DLGAP2: variants seen among roughly 807,000 people sequenced by gnomAD.
DLGAP2 encodes disks large-associated protein 2.
DLGAP2 carries 26 observed loss-of-function variants against 100.3 expected under a neutral mutation model. The observed-to-expected ratio is 0.26, with a 90% CI of 0.19 to 0.36. The LOEUF (loss-of-function observed/expected upper bound fraction) is 0.36, where lower values mean the gene tolerates loss of function less well. Among genes scored for constraint, DLGAP2 ranks in the 10% least tolerant of loss-of-function variants. The pLI, the probability that DLGAP2 is intolerant of heterozygous loss-of-function variation, is 1.00. For missense variants in DLGAP2, 1,858 were observed against 1,453.2 expected (o/e 1.28, Z -4.53); for synonymous variants, 886 against 630.1 (o/e 1.41, Z -6.08).
intron 3 of DLGAP2, among the ~76,000 whole-genome samples, chr8:1,362,450 G>A (rs1467046222): frequency 6.6e-6 from 1 of 152,064 alleles, no homozygotes; most frequent in Non-Finnish European, 1.5e-5. Context: ...GTAAGGGCTG[G>A]CGTGGTCCAT....
At chr8:1,196,551 T>C (rs1352004456) in intron 2 of DLGAP2, among the ~76,000 whole-genome samples, 1 of 152,320 alleles carries the variant, frequency 6.6e-6, no homozygotes, top group Admixed American at 6.5e-5. Flanking sequence ...TCTCAGCTGA[T>C]AAGCAAAAGA....
chr8:1,170,208 C>T (rs200172483), intron 2 of DLGAP2, among the ~76,000 whole-genome samples: 2 of 151,996 alleles, frequency 1.3e-5, no homozygotes, highest in Admixed American at 6.6e-5. Context: ...TATATTGAAC[C>T]AGCCTTGCAT....
intron 3 of DLGAP2, among the ~76,000 whole-genome samples, chr8:1,337,761 G>A (rs1046273573): frequency 3.9e-5 from 6 of 152,118 alleles, no homozygotes; most frequent in Non-Finnish European, 8.8e-5. Flanking sequence ...AAATACAACC[G>A]ATAAAATGGT....
intron 2 of DLGAP2, among the ~76,000 whole-genome samples, chr8:1,184,889 C>G (rs1025921604): frequency 6.6e-6 from 1 of 152,182 alleles, no homozygotes; most frequent in African/African-American, 2.4e-5. Context: ...AGGGAGCTCA[C>G]TGTGTTGCAA....
intron 3 of DLGAP2, among the ~76,000 whole-genome samples, chr8:1,424,005 C>G (rs879855602): frequency 7.2e-5 from 11 of 152,154 alleles, no homozygotes; most frequent in Admixed American, 4.6e-4. Context: ...AAATAGCAGC[C>G]GGATTATTCA....
At chr8:1,617,563 G>GC in intron 6 of DLGAP2, among the ~76,000 whole-genome samples, 1 of 152,138 alleles carries the variant, frequency 6.6e-6, no homozygotes, top group African/African-American at 2.4e-5. Context: ...TGCCCACATT[G>GC]TTTTTTGCTT....
chr8:1,587,489 G>A (rs1353905489), intron 6 of DLGAP2, among the ~76,000 whole-genome samples: 2 of 152,018 alleles, frequency 1.3e-5, no homozygotes, highest in African/African-American at 4.8e-5. Context: ...TTCTTTATCT[G>A]AAAGTATATT....
At chr8:1,682,907 C>T (rs968203481) in intron 12 of DLGAP2, among the ~76,000 whole-genome samples, 20 of 151,426 alleles carry the variant, frequency 1.3e-4, no homozygotes, top group Admixed American at 7.2e-4. Flanking sequence ...TGTTTGGTTT[C>T]GTGGTGGGAT....
At chr8:1,429,390 G>T (rs540168168) in intron 3 of DLGAP2, among the ~76,000 whole-genome samples, 1 of 152,270 alleles carries the variant, frequency 6.6e-6, no homozygotes, top group South Asian at 2.1e-4. Flanking sequence ...TGTAGTGGCT[G>T]CTGTCACTCA....
intron 7 of DLGAP2, among the ~76,000 whole-genome samples, chr8:1,631,950 CAG>C (rs1341669655): frequency 1.3e-5 from 2 of 152,178 alleles, no homozygotes; most frequent in Non-Finnish European, 2.9e-5. Flanking sequence ...GTGTTTAAAA[CAG>C]TGTATTTTTA....
At chr8:1,222,674 G>C (rs1798339583) in intron 2 of DLGAP2, among the ~76,000 whole-genome samples, 1 of 152,146 alleles carries the variant, frequency 6.6e-6, no homozygotes, top group Non-Finnish European at 1.5e-5. Flanking sequence ...CATGCTGGCA[G>C]GGGAAAGCTG....
chr8:857,435 C>G (rs146110478), intron 1 of DLGAP2, among the ~76,000 whole-genome samples: 66 of 152,290 alleles, frequency 4.3e-4, no homozygotes, highest in Admixed American at 1.8e-3. Flanking sequence ...AAAACACACA[C>G]CTGATGGAGG....
chr8:1,421,705 C>A (rs913577166), intron 3 of DLGAP2, among the ~76,000 whole-genome samples: 2 of 152,184 alleles, frequency 1.3e-5, no homozygotes, highest in East Asian at 3.8e-4. Flanking sequence ...GTGGCTCACG[C>A]CTGTAATCCC....
intron 8 of DLGAP2, among the ~76,000 whole-genome samples, chr8:1,637,248 A>G (rs1797788139): frequency 6.6e-6 from 1 of 152,164 alleles, no homozygotes; most frequent in Non-Finnish European, 1.5e-5. Flanking sequence ...AACACGCTAT[A>G]TGGGGAAAGG....
chr8:1,698,486 G>C (rs1799466058), intron 14 of DLGAP2, among the ~76,000 whole-genome samples: 1 of 147,874 alleles, frequency 6.8e-6, no homozygotes, highest in African/African-American at 2.7e-5. Context: ...GCCATGCGTG[G>C]GACTAGGCAG....
At chr8:1,119,406 A>T (rs181699469) in intron 2 of DLGAP2, among the ~76,000 whole-genome samples, 15 of 152,350 alleles carry the variant, frequency 9.8e-5, no homozygotes, top group Non-Finnish European at 2.9e-5. Context: ...GCAGTGCGTC[A>T]TGTGAGTGCT....
rs113323852 is a variant in DLGAP2, at chr8:904,029, A to G, written c.19-3883A>G. On this transcript the variant is annotated intron_variant, in intron 1 of 14. Transcript: ENST00000637795. Reference sequence around the variant, plus strand: ...GGGGACACACGCGGTCCAGGCCCTGAGTGGACAGAGAGGACGCTGGTGGGG... The same window carrying G: ...GGGGACACACGCGGTCCAGGCCCTGGGTGGACAGAGAGGACGCTGGTGGGG... 4.4e-3 allele frequency among the ~76,000 whole-genome samples: 674 copies of G among 152,262 alleles called. 7 individuals are homozygous for G. Among genetic ancestry groups the G allele is most frequent in the African/African-American group, 0.015 (625 of 41,560 alleles).
chr8:1,570,549 G>C (rs1802612653), intron 6 of DLGAP2, among the ~76,000 whole-genome samples: 1 of 152,236 alleles, frequency 6.6e-6, no homozygotes, highest in Non-Finnish European at 1.5e-5. Context: ...GGCTCAGTTG[G>C]ATTTCACATG....
chr8:777,122 T>C (rs61103012), intron 1 of DLGAP2, among the ~76,000 whole-genome samples: 34,707 of 152,014 alleles, frequency 0.23, 4,418 homozygotes, highest in Non-Finnish European at 0.29. Flanking sequence ...CTTTGTCTCT[T>C]TTGATCTTTG....
Sources: gnomAD v4.1 joint callset for allele counts (sites outside exome capture counted in the v4.1 genomes callset) on GRCh38, gnomAD v4.1.1 for gene constraint, MANE v1.5 for transcripts, NCBI Gene and HGNC (gene_info 2026-07-23, HGNC 2026-07-21) for gene names.